PARD6B: variants seen among roughly 807,000 people sequenced by gnomAD.
PARD6B encodes the protein par-6 family cell polarity regulator beta.
In PARD6B, 4 loss-of-function variants were observed where a neutral mutation model predicts 10.5. The observed-to-expected ratio is 0.38, with a 90% confidence interval of 0.19 to 0.87. The LOEUF is 0.87. Ranked by LOEUF, PARD6B falls within the 40% of genes least tolerant of loss-of-function variation. PARD6B has a pLI of 0.41. For synonymous variants in PARD6B, 169 were observed against 170.4 expected (o/e 0.99, Z 0.07); for missense variants, 396 against 470.6 (o/e 0.84, Z 1.47).
chr20:50,741,031 G>A (rs994418747), intron 2 of PARD6B, among the ~76,000 whole-genome samples: 2 of 151,282 alleles, frequency 1.3e-5, no homozygotes, highest in African/African-American at 4.9e-5. Flanking sequence ...TGCAATCTCG[G>A]CTCACTGCAA....
intron 2 of PARD6B, among the ~76,000 whole-genome samples, chr20:50,747,053 A>T (rs1201636866): frequency 1.3e-5 from 2 of 152,178 alleles, no homozygotes; most frequent in Non-Finnish European, 2.9e-5. Flanking sequence ...AAGGGGAAAA[A>T]AATGCCAAAA....
rs565068464 is a variant in PARD6B, at chr20:50,750,954, ATTTTTTTTTTTTTTTTTTT to A, written c.*480_*498del. On this transcript the variant is annotated 3_prime_UTR_variant, in exon 3 of 3. Transcript: ENST00000371610. ...CTCATGTTCCCAATATTTTATTTTG[ATTTTTTTTTTTTTTTTTTT>A]TTTTTTTTTTTTTAGTGACTGGGTC... 13,278 of 387,872 alleles carry A rather than the reference ATTTTTTTTTTTTTTTTTTT, an allele frequency of 0.034. 294 individuals carry two copies. Among genetic ancestry groups the A allele is most frequent in the Non-Finnish European group, 0.038 (12,592 of 327,664 alleles). 24.0% of individuals were successfully genotyped at this position (387,872 alleles called of 1,614,324 possible). A position where few individuals can be genotyped will look rare whatever the true frequency, so the allele number is the denominator to read the frequency against.
chr20:50,747,086 T>C (rs545063255), intron 2 of PARD6B, among the ~76,000 whole-genome samples: 1 of 152,176 alleles, frequency 6.6e-6, no homozygotes, highest in South Asian at 2.1e-4. Flanking sequence ...CGTAACCTTA[T>C]ATATTTATCT....
At position 50,731,825 on chromosome 20, in the gene PARD6B, C is replaced by T. The variant is rs779262869; in HGVS notation, c.39C>T (p.Cys13=). 6.8e-6 allele frequency: 10 copies of T among 1,463,944 alleles called. 1 individual carries two copies. In the South Asian group the frequency reaches 1.3e-4, roughly 19 times the overall value. 90.7% of individuals were successfully genotyped at this position (1,463,944 alleles called of 1,614,324 possible). A position where few individuals can be genotyped will look rare whatever the true frequency, so the allele number is the denominator to read the frequency against. The part of the protein sequence containing the change: ...RSHRHGAGSG[C]LGTMEVKSKF... ...ACCGGCACGGGGCGGGCAGCGGCTG[C>T]CTGGGCACTATGGAGGTGAAGAGCA... The change falls in exon 1 of 3, where the codon TGC becomes TGT. Residue 13 remains cysteine (C), a synonymous_variant. Transcript: ENST00000371610.
chr20:50,745,411 CAAA>C (rs11484143), intron 2 of PARD6B, among the ~76,000 whole-genome samples: 3 of 117,300 alleles, frequency 2.6e-5, no homozygotes, highest in African/African-American at 3.1e-5. Context: ...AACTCCGTCT[CAAA>C]AAAAAAAAAA....
At chr20:50,747,390 C>A (rs2087573074) in intron 2 of PARD6B, among the ~76,000 whole-genome samples, 1 of 147,702 alleles carries the variant, frequency 6.8e-6, no homozygotes, top group African/African-American at 2.5e-5. Context: ...TCTGTGGCAG[C>A]AGCTGAGACT....
intron 1 of PARD6B, among the ~76,000 whole-genome samples, chr20:50,736,707 T>C (rs2087501413): frequency 6.6e-6 from 1 of 151,864 alleles, no homozygotes; most frequent in Non-Finnish European, 1.5e-5. Flanking sequence ...TTTTTTTTTT[T>C]TTTTCTTTTT....
rs11467364 is a variant in PARD6B at position 50,751,350 on chromosome 20, CTTTTTTTTTTT to C, written c.*875_*885del. 24 of 709,080 alleles carry C rather than the reference CTTTTTTTTTTT, an allele frequency of 3.4e-5. No individual in the cohort carries two copies. Among genetic ancestry groups the C allele is most frequent in the South Asian group, 7.2e-5 (1 of 13,986 alleles). The allele number at this position is 709,080 out of a possible 1,614,324, so 43.9% of individuals were successfully genotyped here. A position where few individuals can be genotyped will look rare whatever the true frequency, so the allele number is the denominator to read the frequency against. On this transcript the variant is annotated 3_prime_UTR_variant, in exon 3 of 3. Coordinates refer to ENST00000371610, the MANE Select transcript of PARD6B (RefSeq NM_032521.3). Reference sequence around the variant, plus strand: ...ATTTCCAGTTTCTTTTCTTTTCTTTCTTTTTTTTTTTTTTTTTTTTTTTGAGATGGAGTCTC... The same window carrying C: ...ATTTCCAGTTTCTTTTCTTTTCTTTCTTTTTTTTTTTTGAGATGGAGTCTC...
Position 50,737,950 on chromosome 20 carries a change from C to T in PARD6B, c.160C>T (p.Pro54Ser). ...ATTACTACAACATGTTCATAAGATC[C>T]CCAATGTTGACGTTTTGGTAGGCTA... ...YGLLQHVHKI[P>S]NVDVLVGYAD... Residue 54 changes from proline to serine, a missense_variant, in exon 2 of 3, where the codon CCC becomes TCC. Physicochemically the swap from Pro to Ser is moderately conservative, Grantham distance 74. This residue lies in a region of PARD6B where 208 missense variants were observed against 300.9 expected (regional missense o/e 0.69). Coordinates refer to ENST00000371610, the MANE Select transcript of PARD6B (RefSeq NM_032521.3). 6.2e-7 allele frequency: 1 copy of T among 1,613,276 alleles called. No homozygotes were observed. Among genetic ancestry groups the T allele is most frequent in the South Asian group, 1.1e-5 (1 of 90,966 alleles).
At chr20:50,744,615 C>T (rs2087554871) in intron 2 of PARD6B, among the ~76,000 whole-genome samples, 1 of 152,058 alleles carries the variant, frequency 6.6e-6, no homozygotes, top group African/African-American at 2.4e-5. Context: ...CCCTGGCTGC[C>T]TCTGACTCAG....
Position 50,751,745 on chromosome 20 carries a change from CAG to C in PARD6B, c.*1260_*1261del. The stretch of plus-strand genomic sequence containing the variant: ...AAGCTTTTTTTTTTTTTTTTTGAGA[CAG>C]AGTCTCTGTCACCCAGGCTGGAGTG... On this transcript the variant is annotated 3_prime_UTR_variant, in exon 3 of 3. Transcript: ENST00000371610. 6.3e-6 allele frequency: 4 copies of C among 629,970 alleles called. No individual in the cohort carries two copies. In the South Asian group the frequency reaches 1.9e-4, roughly 30 times the overall value. The allele number at this position is 629,970 out of a possible 1,614,324, so 39.0% of individuals were successfully genotyped here.
rs1255070743 is a variant in PARD6B, at chr20:50,752,414, T to A, written c.*1926T>A. 1.0e-6 allele frequency: 1 copy of A among 985,688 alleles called. No individual in the cohort carries two copies. Among genetic ancestry groups the A allele is most frequent in the South Asian group, 4.7e-5 (1 of 21,298 alleles). 61.1% of individuals were successfully genotyped at this position (985,688 alleles called of 1,614,324 possible). ...TTATGAAAACTACATAGTATTCACC[T>A]GTGACAGGTAGAGTTTATCACTATT... On this transcript the variant is annotated 3_prime_UTR_variant, in exon 3 of 3. Transcript: ENST00000371610.
At chr20:50,733,360 G>A (rs747907354) in intron 1 of PARD6B, among the ~76,000 whole-genome samples, 2 of 152,206 alleles carry the variant, frequency 1.3e-5, no homozygotes, top group Non-Finnish European at 2.9e-5. Context: ...GGAGGTGGAG[G>A]TTGCAGTGAG....
chr20:50,735,056 A>G (rs1221571954), intron 1 of PARD6B, among the ~76,000 whole-genome samples: 1 of 152,226 alleles, frequency 6.6e-6, no homozygotes, highest in Non-Finnish European at 1.5e-5. Flanking sequence ...AGGCTGATGC[A>G]GGAGAATTGC....
At chr20:50,738,794 G>T (rs771381954) in intron 2 of PARD6B, among the ~76,000 whole-genome samples, 1 of 152,000 alleles carries the variant, frequency 6.6e-6, no homozygotes, top group South Asian at 2.1e-4. Context: ...TCACTATTTG[G>T]CAATAACTTT....
At position 50,752,353 on chromosome 20, in the gene PARD6B, T is replaced by G; in HGVS notation, c.*1865T>G. 1.0e-6 allele frequency: 1 copy of G among 985,796 alleles called. No individual in the cohort carries two copies. Among genetic ancestry groups the G allele is most frequent in the Non-Finnish European group, 1.2e-6 (1 of 829,886 alleles). 61.1% of individuals were successfully genotyped at this position (985,796 alleles called of 1,614,324 possible). A position where few individuals can be genotyped will look rare whatever the true frequency, so the allele number is the denominator to read the frequency against. On this transcript the variant is annotated 3_prime_UTR_variant, in exon 3 of 3. Coordinates refer to ENST00000371610, the MANE Select transcript of PARD6B (RefSeq NM_032521.3). Reference sequence around the variant, plus strand: ...TGCCAAAAAAAAAAAAAATTGGGTTTTCCTTCATGGGATTTCTAGAAACAC... The same window carrying G: ...TGCCAAAAAAAAAAAAAATTGGGTTGTCCTTCATGGGATTTCTAGAAACAC...
Position 50,750,954 on chromosome 20 carries a change from ATTTTTTTTTTT to A in PARD6B, c.*488_*498del, listed in dbSNP as rs565068464. 2,299 of 387,620 alleles carry A rather than the reference ATTTTTTTTTTT, an allele frequency of 5.9e-3. 32 individuals carry two copies. The highest frequency in any genetic ancestry group is 0.055 in the African/African-American group (1,503 of 27,462). 24.0% of individuals were successfully genotyped at this position (387,620 alleles called of 1,614,324 possible). A position where few individuals can be genotyped will look rare whatever the true frequency, so the allele number is the denominator to read the frequency against. On this transcript the variant is annotated 3_prime_UTR_variant, in exon 3 of 3. Coordinates refer to ENST00000371610, the MANE Select transcript of PARD6B (RefSeq NM_032521.3). ...CTCATGTTCCCAATATTTTATTTTG[ATTTTTTTTTTT>A]TTTTTTTTTTTTTTTTTTTTTAGTG...
intron 2 of PARD6B, among the ~76,000 whole-genome samples, chr20:50,747,363 T>TGG (rs1312247910): frequency 1.3e-5 from 2 of 152,118 alleles, no homozygotes; most frequent in East Asian, 3.8e-4. Flanking sequence ...AAACGCAAGA[T>TGG]GGTGAGATTG....
In PARD6B at chr20:50,753,270, T is replaced by C. The variant is rs1243436508; in HGVS notation, c.*2782T>C. On this transcript the variant is annotated 3_prime_UTR_variant, in exon 3 of 3. Transcript: ENST00000371610. ...TCTATCAATGGTATTTTCAAGTAGATCTCTGTTTCTTAAATTATTGGTGAA... is the reference window on the plus strand; with the variant it reads ...TCTATCAATGGTATTTTCAAGTAGACCTCTGTTTCTTAAATTATTGGTGAA... The C allele has an allele frequency of 5.9e-5, 58 of 984,058 alleles. No homozygotes were observed. The highest frequency in any genetic ancestry group is 7.0e-5 in the Non-Finnish European group (58 of 828,296). The allele number at this position is 984,058 out of a possible 1,614,324, so 61.0% of individuals were successfully genotyped here.
Sources: gnomAD v4.1 joint callset for allele counts (sites outside exome capture counted in the v4.1 genomes callset) on GRCh38, gnomAD v4.1.1 for gene constraint, gnomAD v4.1.1 regional missense constraint, MANE v1.5 for transcripts, NCBI Gene and HGNC (gene_info 2026-07-23, HGNC 2026-07-21) for gene names.